TUSC3: variants seen among roughly 807,000 people sequenced by gnomAD.
TUSC3 encodes tumor suppressor candidate 3.
Under a neutral mutation model 44.8 loss-of-function variants are expected in TUSC3, and 45 were observed. The observed-to-expected ratio is 1.00, with a 90% confidence interval of 0.79 to 1.29. The LOEUF (loss-of-function observed/expected upper bound fraction) is 1.29, where lower values mean the gene tolerates loss of function less well. Ranked by LOEUF, TUSC3 falls within the 50% of genes most tolerant of loss-of-function variation. TUSC3 has a pLI of 0.00. For missense variants in TUSC3, 519 were observed against 437.9 expected, an observed-to-expected ratio of 1.19 and a Z score of -1.65; for synonymous variants, 212 against 152.9, an observed-to-expected ratio of 1.39 and a Z score of -2.85.
the TUSC3 span, among the ~76,000 whole-genome samples, chr8:15,814,978 A>G: frequency 6.6e-6 from 1 of 152,190 alleles, no homozygotes; most frequent in African/African-American, 2.4e-5. Context: ...TTTAGTTGAT[A>G]GGAAAATACA....
At position 15,738,876 on chromosome 8, in the gene TUSC3, A is replaced by G. The variant is rs752883231; in HGVS notation, c.863-4662A>G. Among the ~76,000 whole-genome samples the G allele has an allele frequency of 1.3e-3, 138 of 105,896 alleles. 1 individual carries two copies. Among genetic ancestry groups the G allele is most frequent in the Non-Finnish European group, 2.1e-3 (118 of 57,054 alleles). 69.5% of individuals were successfully genotyped at this position (105,896 alleles called of 152,430 possible). A position where few individuals can be genotyped will look rare whatever the true frequency, so the allele number is the denominator to read the frequency against. On this transcript the variant is annotated intron_variant, in intron 7 of 10. Transcript: ENST00000503731. ...GAGAGGGAGTCTCACTCTGTTGCCCAGGCTGGAGTGCAGTGGTGCAATCTC... is the reference window on the plus strand; with the variant it reads ...GAGAGGGAGTCTCACTCTGTTGCCCGGGCTGGAGTGCAGTGGTGCAATCTC...
intron 1 of TUSC3, among the ~76,000 whole-genome samples, chr8:15,593,128 C>G (rs1424221640): frequency 6.6e-6 from 1 of 152,062 alleles, no homozygotes; most frequent in Non-Finnish European, 1.5e-5. Flanking sequence ...CTCTGTTGCC[C>G]AGGGTGGAGT....
chr8:15,801,947 T>C, the TUSC3 span, among the ~76,000 whole-genome samples: 1 of 152,204 alleles, frequency 6.6e-6, no homozygotes, highest in African/African-American at 2.4e-5. Flanking sequence ...TTAGATTTGC[T>C]TTTAGTCTCT....
At chr8:15,799,191 G>A in the TUSC3 span, among the ~76,000 whole-genome samples, 1 of 152,128 alleles carries the variant, frequency 6.6e-6, no homozygotes, top group African/African-American at 2.4e-5. Flanking sequence ...TTAGCCTGAT[G>A]GACTGCAGGA....
At chr8:15,812,587 T>C in the TUSC3 span, among the ~76,000 whole-genome samples, 1 of 152,142 alleles carries the variant, frequency 6.6e-6, no homozygotes, top group African/African-American at 2.4e-5. Context: ...CTCCTGGCCG[T>C]CTGAACTCAA....
At position 15,423,234 on chromosome 8, in the gene TUSC3, G is replaced by A. The variant is rs530189013; in HGVS notation, n.91+5929G>A. ...TACAGACACACATAGATCCATATGC[G>A]GGATTTGATTTGCTAATATTTCTGC... On this transcript the variant is annotated intron_variant and non_coding_transcript_variant, in intron 1 of 5. Coordinates refer to the TUSC3 transcript ENST00000503191. Among the ~76,000 whole-genome samples the A allele has an allele frequency of 3.9e-5, 6 of 152,232 alleles. No individual in the cohort carries two copies. In the East Asian group the frequency reaches 7.7e-4, roughly 20 times the overall value.
intron 2 of TUSC3, among the ~76,000 whole-genome samples, chr8:15,511,725 C>T (rs758876676): frequency 5.9e-5 from 9 of 152,008 alleles, no homozygotes; most frequent in Non-Finnish European, 1.2e-4. Context: ...AAAGAATTAG[C>T]CGGGCGTGGT....
At chr8:15,655,378 C>G (rs1249381530) in intron 3 of TUSC3, among the ~76,000 whole-genome samples, 1 of 152,168 alleles carries the variant, frequency 6.6e-6, no homozygotes, top group Non-Finnish European at 1.5e-5. Context: ...TGAGCATGTG[C>G]ACAACTTCAG....
At chr8:15,711,777 C>T (rs1809863014) in intron 6 of TUSC3, among the ~76,000 whole-genome samples, 1 of 151,548 alleles carries the variant, frequency 6.6e-6, no homozygotes, top group Admixed American at 6.6e-5. Context: ...TATATTTTAC[C>T]TGTATATTTA....
chr8:15,445,953 G>GC (rs541895586), intron 1 of TUSC3, among the ~76,000 whole-genome samples: 3 of 147,444 alleles, frequency 2.0e-5, no homozygotes, highest in Admixed American at 6.7e-5. Flanking sequence ...GACGGGGGCT[G>GC]CCCCCCACCT....
intron 2 of TUSC3, among the ~76,000 whole-genome samples, chr8:15,644,100 A>G (rs926196401): frequency 6.6e-6 from 1 of 152,232 alleles, no homozygotes; most frequent in Admixed American, 6.5e-5. Context: ...ACTGTAGATG[A>G]TATAATTCTT....
intron 2 of TUSC3, among the ~76,000 whole-genome samples, chr8:15,487,292 C>T (rs1286343011): frequency 6.6e-6 from 1 of 152,148 alleles, no homozygotes; most frequent in African/African-American, 2.4e-5. Context: ...TTCAAAGCTT[C>T]TGAGTATCTT....
At chr8:15,675,063 G>C (rs1448880717) in intron 6 of TUSC3, among the ~76,000 whole-genome samples, 1 of 151,850 alleles carries the variant, frequency 6.6e-6, no homozygotes, top group Non-Finnish European at 1.5e-5. Context: ...CTTACAGTAT[G>C]CTACATAATT....
At chr8:15,422,322 G>A (rs575228764) in intron 1 of TUSC3, among the ~76,000 whole-genome samples, 12 of 152,188 alleles carry the variant, frequency 7.9e-5, no homozygotes, top group African/African-American at 2.9e-4. Flanking sequence ...GTTCCATTCT[G>A]TTGTTTAACC....
chr8:15,438,420 G>A (rs1799979206), intron 1 of TUSC3, among the ~76,000 whole-genome samples: 1 of 151,874 alleles, frequency 6.6e-6, no homozygotes, highest in African/African-American at 2.4e-5. Flanking sequence ...TATAGGAGAT[G>A]CTGCATATAA....
intron 2 of TUSC3, among the ~76,000 whole-genome samples, chr8:15,514,220 G>A (rs1034476203): frequency 3.3e-5 from 5 of 152,166 alleles, no homozygotes; most frequent in African/African-American, 1.2e-4. Flanking sequence ...TGGTTTGTTT[G>A]TGTGTATTAT....
intron 2 of TUSC3, among the ~76,000 whole-genome samples, chr8:15,511,408 C>T (rs1347082848): frequency 6.6e-6 from 1 of 152,060 alleles, no homozygotes; most frequent in Admixed American, 6.6e-5. Context: ...AAAATAGTTA[C>T]TAGAAATATG....
At chr8:15,851,670 T>C in the TUSC3 span, among the ~76,000 whole-genome samples, 1 of 152,196 alleles carries the variant, frequency 6.6e-6, no homozygotes, top group East Asian at 1.9e-4. Context: ...CAGATCAAGG[T>C]TAATGACATC....
Position 15,423,969 on chromosome 8 carries a change from G to GTTTTTGTTTTTGTGTTTTT in TUSC3, n.91+6669_91+6670insGTTTTTGTGTTTTTTTTTT, listed in dbSNP as rs1563247134. Among the ~76,000 whole-genome samples, 3 of 70,362 alleles carry GTTTTTGTTTTTGTGTTTTT rather than the reference G, an allele frequency of 4.3e-5. 1 individual carries two copies. The highest frequency in any genetic ancestry group is 9.4e-5 in the Non-Finnish European group (3 of 31,962). 46.2% of individuals were successfully genotyped at this position (70,362 alleles called of 152,430 possible). On this transcript the variant is annotated intron_variant and non_coding_transcript_variant, in intron 1 of 5. Transcript: ENST00000503191. ...TACAGCATTCATACTGTTTTGCTTTGTTTTTTTTTTTTTTTTTTTTTTTTT... is the reference window on the plus strand; with the variant it reads ...TACAGCATTCATACTGTTTTGCTTTGTTTTTGTTTTTGTGTTTTTTTTTTTTTTTTTTTTTTTTTTTTTT...
Sources: allele counts gnomAD v4.1 joint callset (sites outside exome capture counted in the v4.1 genomes callset), GRCh38; gene constraint gnomAD v4.1.1; transcripts MANE v1.5; gene names NCBI Gene and HGNC (gene_info 2026-07-23, HGNC 2026-07-21).